The following CSMD3 variants were observed in gnomAD, a reference collection of about 807,000 sequenced individuals.
CSMD3 encodes CUB and sushi domain-containing protein 3.
Under a neutral mutation model 435.2 loss-of-function variants are expected in CSMD3, and 177 were observed. The ratio of observed to expected loss-of-function variants is 0.41; its 90% CI spans 0.36 to 0.46. The LOEUF is 0.46. Ranked by LOEUF, CSMD3 falls within the 20% of genes least tolerant of loss-of-function variation. The pLI is 0.34. For synonymous variants in CSMD3, 1,656 were observed against 1,520.5 expected, an observed-to-expected ratio of 1.09 and a Z score of -2.07; for missense variants, 4,265 against 4,504.6, an observed-to-expected ratio of 0.95 and a Z score of 1.52.
At chr8:112,714,713 T>TA (rs1356797152) in intron 13 of CSMD3, among the ~76,000 whole-genome samples, 3 of 152,124 alleles carry the variant, frequency 2.0e-5, no homozygotes, top group East Asian at 3.9e-4. Flanking sequence ...GCTGAAATAA[T>TA]AAAAAACAGT....
chr8:112,337,504 T>C (rs2130963752), intron 43 of CSMD3, 39 bp downstream of exon 43: 2 of 1,513,852 alleles, frequency 1.3e-6, no homozygotes, highest in Non-Finnish European at 1.8e-6. Flanking sequence ...TAAAAACAGA[T>C]GACATCACCT....
chr8:113,368,900 T>A (rs895850258), intron 1 of CSMD3, among the ~76,000 whole-genome samples: 4 of 152,078 alleles, frequency 2.6e-5, no homozygotes, highest in Admixed American at 2.6e-4. Context: ...TTGCTGAGAA[T>A]AGTGAAGCAT....
chr8:112,382,075 T>C (rs981480851), intron 37 of CSMD3, among the ~76,000 whole-genome samples: 5 of 151,988 alleles, frequency 3.3e-5, no homozygotes, highest in Admixed American at 1.3e-4. Context: ...GGCCATGAGT[T>C]GGAAACCAGC....
intron 32 of CSMD3, among the ~76,000 whole-genome samples, chr8:112,416,967 T>G (rs1247261221): frequency 1.3e-5 from 2 of 152,122 alleles, no homozygotes; most frequent in African/African-American, 4.8e-5. Flanking sequence ...AGTCTTCAAA[T>G]TTGGTGGAGT....
At chr8:113,176,907 AT>A (rs1438013045) in intron 3 of CSMD3, among the ~76,000 whole-genome samples, 3 of 151,928 alleles carry the variant, frequency 2.0e-5, no homozygotes, top group East Asian at 1.9e-4. Flanking sequence ...AAAAAAAAAA[AT>A]AAAGTATGTT....
At chr8:112,644,931 C>G (rs73702365) in intron 20 of CSMD3, among the ~76,000 whole-genome samples, 178 bp downstream of exon 20, 1 of 151,966 alleles carries the variant, frequency 6.6e-6, no homozygotes, top group African/African-American at 2.4e-5. Context: ...CAATATAATA[C>G]TATAGAAGAG....
chr8:112,703,927 T>A (rs2076443676), intron 13 of CSMD3, among the ~76,000 whole-genome samples: 1 of 152,116 alleles, frequency 6.6e-6, no homozygotes, highest in African/African-American at 2.4e-5. Flanking sequence ...TGAAGTGTTT[T>A]ACAATCATGA....
chr8:113,070,403 A>ATTT (rs879603138), intron 5 of CSMD3, among the ~76,000 whole-genome samples: 23 of 151,996 alleles, frequency 1.5e-4, no homozygotes, highest in Admixed American at 6.6e-4. Flanking sequence ...GTCTGCCATA[A>ATTT]TCCTGGTAGA....
chr8:112,635,326 T>C (rs535917115), intron 22 of CSMD3, among the ~76,000 whole-genome samples: 1 of 152,026 alleles, frequency 6.6e-6, no homozygotes, highest in East Asian at 1.9e-4. Context: ...AAAAATGAAG[T>C]TGAGAAAAGT....
In CSMD3 at chr8:112,254,379, G is replaced by C. The variant is rs1815589227; in HGVS notation, c.10037-53C>G. On this transcript the variant is annotated intron_variant, in intron 62 of 70. Coordinates refer to ENST00000297405, the MANE Select transcript of CSMD3 (RefSeq NM_198123.2). The stretch of plus-strand genomic sequence containing the variant: ...TCCTTTAAAATTTACAATAGATATA[G>C]TTCTCTCACAGAAAACAATTTTAAA... 2.2e-5 allele frequency: 26 copies of C among 1,192,988 alleles called. No individual in the cohort carries two copies. The South Asian group carries it at 3.1e-4, about 14-fold the overall frequency. 73.9% of individuals were successfully genotyped at this position (1,192,988 alleles called of 1,614,324 possible).
chr8:112,720,652 T>A (rs57734824), intron 13 of CSMD3, among the ~76,000 whole-genome samples: 1,704 of 152,266 alleles, frequency 0.011, 35 homozygotes, highest in African/African-American at 0.039. Flanking sequence ...CTATCCAGGA[T>A]GTGACTGATT....
chr8:113,266,774 C>T (rs921873362), intron 3 of CSMD3, among the ~76,000 whole-genome samples: 12 of 151,582 alleles, frequency 7.9e-5, no homozygotes, highest in African/African-American at 2.7e-4. Context: ...TAATACACAT[C>T]GACAATCATA....
At position 113,045,062 on chromosome 8, in the gene CSMD3, T is replaced by A. The variant is rs1056935295; in HGVS notation, c.918-25883A>T. 2.7e-5 allele frequency among the ~76,000 whole-genome samples: 4 copies of A among 149,184 alleles called. 1 individual carries two copies. Among genetic ancestry groups the A allele is most frequent in the Non-Finnish European group, 6.0e-5 (4 of 66,306 alleles). On this transcript the variant is annotated intron_variant, in intron 5 of 70. Coordinates refer to ENST00000297405, the MANE Select transcript of CSMD3 (RefSeq NM_198123.2). ...ATTGCCTCTATTTTATGTGCAACGATCTAAAAATCCCATAAATATTTGTCT... is the reference window on the plus strand; with the variant it reads ...ATTGCCTCTATTTTATGTGCAACGAACTAAAAATCCCATAAATATTTGTCT...
intron 61 of CSMD3, among the ~76,000 whole-genome samples, chr8:112,261,013 T>G (rs1282045194): frequency 6.6e-6 from 1 of 152,142 alleles, no homozygotes; most frequent in African/African-American, 2.4e-5. Context: ...GGATGTTATA[T>G]GAACTGCAGT....
At chr8:113,208,628 T>C (rs2092798181) in intron 3 of CSMD3, among the ~76,000 whole-genome samples, 1 of 152,114 alleles carries the variant, frequency 6.6e-6, no homozygotes, top group Non-Finnish European at 1.5e-5. Flanking sequence ...ATCTTGAAGT[T>C]TGTCATTACA....
rs1477833216 is a variant in CSMD3 at position 112,859,262 on chromosome 8, T to G, written c.1638A>C (p.Lys546Asn). Residue 546 changes from lysine (K) to asparagine (N), a missense_variant, in exon 11 of 71, where the codon AAA (lysine) becomes AAC (asparagine). By Grantham distance (94) the Lys-to-Asn change is moderately conservative. Transcript: ENST00000297405. ...WSDHRPVCKV[K>N]TCGSNLQGPS... ...GTCCTTGAAGATTAGAGCCACACGT[T>G]TTCACTAAAAGAGAAATTGCATTTT... is the stretch of plus-strand genomic sequence containing the variant. The G allele has an allele frequency of 3.1e-6, 5 of 1,610,798 alleles. No homozygotes were observed. Among genetic ancestry groups the G allele is most frequent in the Non-Finnish European group, 4.2e-6 (5 of 1,177,584 alleles).
Position 112,866,496 on chromosome 8 carries a change from C to T in CSMD3, c.1634-7230G>A, listed in dbSNP as rs76358439. ...AGTAATGTTATTATTATTATTTAAA[C>T]TGTTTGCTGACATATGTGACATGGA... is the stretch of plus-strand genomic sequence containing the variant. On this transcript the variant is annotated intron_variant, in intron 10 of 70. Transcript: ENST00000297405. 2.3e-3 allele frequency among the ~76,000 whole-genome samples: 350 copies of T among 152,212 alleles called. 1 individual carries two copies. The highest frequency in any genetic ancestry group is 8.0e-3 in the African/African-American group (334 of 41,538).
intron 6 of CSMD3, among the ~76,000 whole-genome samples, chr8:112,986,026 C>CA (rs2085242210): frequency 6.6e-6 from 1 of 152,046 alleles, no homozygotes; most frequent in African/African-American, 2.4e-5. Flanking sequence ...TCTCTGGTGC[C>CA]AAAAATGTTG....
chr8:112,568,603 G>C (rs370414595), intron 24 of CSMD3, among the ~76,000 whole-genome samples: 1 of 151,740 alleles, frequency 6.6e-6, no homozygotes, highest in African/African-American at 2.4e-5. Context: ...AAAAGAAAAA[G>C]GAATGGGATA....
Sources: gnomAD v4.1 joint callset for allele counts (sites outside exome capture counted in the v4.1 genomes callset) on GRCh38, gnomAD v4.1.1 for gene constraint, MANE v1.5 for transcripts, NCBI Gene and HGNC (gene_info 2026-07-23, HGNC 2026-07-21) for gene names.